PLOD3: variants seen among roughly 807,000 people sequenced by gnomAD.
PLOD3 encodes multifunctional procollagen lysine hydroxylase and glycosyltransferase LH3.
A neutral mutation model predicts 96.9 loss-of-function variants in PLOD3; 73 were observed. That is an observed-to-expected ratio of 0.75 (90% CI 0.62 to 0.92). The LOEUF (loss-of-function observed/expected upper bound fraction) is 0.92, where lower values mean the gene tolerates loss of function less well. PLOD3 is among the 40% of genes least tolerant of loss of function. The pLI is 0.00. For missense variants in PLOD3, 1,004 were observed against 1,004.3 expected, an observed-to-expected ratio of 1.00 and a Z score of 0.00; for synonymous variants, 454 against 413.7, an observed-to-expected ratio of 1.10 and a Z score of -1.18.
intron 6 of PLOD3, 119 bp downstream of exon 6, chr7:101,214,970 G>A: frequency 2.4e-6 from 2 of 819,588 alleles, no homozygotes; most frequent in Non-Finnish European, 4.4e-6. Context: ...TCAGACGCCT[G>A]ACAAAACCAC....
Position 101,206,295 on chromosome 7 carries a change from A to G in PLOD3, c.2203T>C (p.Phe735Leu), listed in dbSNP as rs781025282. The change falls in exon 19 of 19, where the codon TTT becomes CTT. Residue 735 changes from phenylalanine to leucine, a missense_variant. Phe to Leu is a conservative substitution (Grantham distance 22, BLOSUM62 0). Coordinates refer to ENST00000223127, the MANE Select transcript of PLOD3 (RefSeq NM_001084.5). ...GTGGTTGAGTGTCAGGGGTCGACAA[A>G]GGACACCATGATGTAGCGTGTGCCC... ...TWGTRYIMVSFVDP is the reference protein window; with the variant it reads ...TWGTRYIMVSLVDP 1 of 1,614,006 alleles carries G rather than the reference A, an allele frequency of 6.2e-7. No individual in the cohort carries two copies. The highest frequency in any genetic ancestry group is 1.1e-5 in the South Asian group (1 of 91,086).
chr7:101,208,759 C>T, intron 16 of PLOD3, 94 bp downstream of exon 16: 4 of 855,804 alleles, frequency 4.7e-6, no homozygotes, highest in South Asian at 4.1e-5. Context: ...GGGAACCCCT[C>T]TTTGCTCCCA....
In PLOD3 at chr7:101,211,929, G is replaced by GAA; in HGVS notation, c.1148_1149insTT (p.Glu384SerfsTer31). 2 of 1,607,672 alleles carry GAA rather than the reference G, an allele frequency of 1.2e-6. No individual in the cohort carries two copies. Among genetic ancestry groups the GAA allele is most frequent in the Non-Finnish European group, 1.7e-6 (2 of 1,177,402 alleles). On this transcript the variant is annotated frameshift_variant, in exon 11 of 19. Transcript: ENST00000223127. LOFTEE classifies it high-confidence loss of function. ...CCAGGCTGAAGTAGAACTCACACTCGGGGTCCTGCCGACACAGGTCCCTGG... is the reference window on the plus strand; with the variant it reads ...CCAGGCTGAAGTAGAACTCACACTCGAAGGGTCCTGCCGACACAGGTCCCTGG...
chr7:101,212,158 G>A (rs1185498335), intron 10 of PLOD3, 95 bp downstream of exon 10: 2 of 1,502,410 alleles, frequency 1.3e-6, no homozygotes, highest in African/African-American at 2.7e-5. Context: ...GGGGCTGGAT[G>A]GGTGACAGGT....
rs754125482 is a variant in PLOD3 at position 101,211,684 on chromosome 7, C to A, written c.1265G>T (p.Gly422Val). The A allele has an allele frequency of 2.6e-5, 42 of 1,606,650 alleles. No individual in the cohort carries two copies. The highest frequency in any genetic ancestry group is 3.6e-5 in the Non-Finnish European group (42 of 1,177,234). ...KVIAPMLSRH[G>V]KLWSNFWGAL... ...GCCCCAGAAGTTGGACCACAGCTTG[C>A]CGTGGCGGGACAGCATGGGGGCGAT... Residue 422 changes from glycine to valine, a missense_variant, in exon 12 of 19, where the codon GGC becomes GTC. Gly to Val is a moderately radical substitution (Grantham distance 109). Transcript: ENST00000223127.
chr7:101,209,966 C>T lies in PLOD3; in HGVS notation c.1683+127G>A, dbSNP rs56166131. 6.5e-6 allele frequency: 4 copies of T among 613,722 alleles called. No individual in the cohort carries two copies. In the African/African-American group the frequency reaches 7.4e-5, roughly 11 times the overall value. The allele number at this position is 613,722 out of a possible 1,614,324, so 38.0% of individuals were successfully genotyped here. ...CTTTCTGTTCGGCCTCTGCCTTCAT[C>T]TTGTCTGAACAGAAAACCCTCAGAT... On this transcript the variant is annotated intron_variant, in intron 15 of 18. Coordinates refer to ENST00000223127, the MANE Select transcript of PLOD3 (RefSeq NM_001084.5).
rs910064708 is a variant in PLOD3 at position 101,217,194 on chromosome 7, C to T, written c.81G>A (p.Arg27=). 32 of 1,496,444 alleles carry T rather than the reference C, an allele frequency of 2.1e-5. No homozygotes were observed. In the African/African-American group the frequency reaches 3.8e-4, roughly 18 times the overall value. The allele number at this position is 1,496,444 out of a possible 1,614,324, so 92.7% of individuals were successfully genotyped here. The change falls in exon 1 of 19, where the codon CGG becomes CGA. Residue 27 remains arginine (R), a synonymous_variant. Transcript: ENST00000223127. The part of the protein sequence containing the change: ...LLPPAASASD[R]PRGRDPVNPE... ...GGTTGACCGGGTCTCGGCCCCGGGG[C>T]CGGTCGGAGGCTGAGGCCGCAGGGG...
At chr7:101,214,611 G>A (rs1455922337) in intron 6 of PLOD3, among the ~76,000 whole-genome samples, 1 of 151,952 alleles carries the variant, frequency 6.6e-6, no homozygotes, top group African/African-American at 2.4e-5. Flanking sequence ...GTTGAGGCAG[G>A]CGGATCACCT....
rs752044431 is a variant in PLOD3 at position 101,211,860 on chromosome 7, G to A, written c.1218C>T (p.Leu406=). The A allele has an allele frequency of 1.9e-6, 3 of 1,612,180 alleles. No individual in the cohort carries two copies. The Admixed American group carries it at 5.0e-5, about 27-fold the overall frequency. Reference sequence around the variant, plus strand: ...GGGTAAGCCACCTGTTCTCCTCAATGAGGATACGCAGGGTCTGCAGGTTGG... The same window carrying A: ...GGGTAAGCCACCTGTTCTCCTCAATAAGGATACGCAGGGTCTGCAGGTTGG... ...VLTNLQTLRI[L]IEENRKVIAP... Residue 406 remains leucine, a synonymous_variant, in exon 11 of 19, where the codon CTC becomes CTT. Coordinates refer to ENST00000223127, the MANE Select transcript of PLOD3 (RefSeq NM_001084.5).
In PLOD3 at chr7:101,206,162, G is replaced by A. The variant is rs111377622; in HGVS notation, c.*119C>T. On this transcript the variant is annotated 3_prime_UTR_variant, in exon 19 of 19. Coordinates refer to ENST00000223127, the MANE Select transcript of PLOD3 (RefSeq NM_001084.5). ...AAGGTGACATATTCAGTTCAGGCAC[G>A]CGGAACATGAACTCAGGAAGTGGGG... The A allele has an allele frequency of 3.7e-5, 39 of 1,060,270 alleles. No homozygotes were observed. Among genetic ancestry groups the A allele is most frequent in the South Asian group, 2.9e-4 (23 of 79,520 alleles). The allele number at this position is 1,060,270 out of a possible 1,614,324, so 65.7% of individuals were successfully genotyped here.
Position 101,213,205 on chromosome 7 carries a change from C to A in PLOD3, c.680-1G>T. Reference sequence around the variant, plus strand: ...CGATCAAACTTTAAAACCACTTCATCTGGGGAAGAAAAAGGCCAGGCTTCA... The same window carrying A: ...CGATCAAACTTTAAAACCACTTCATATGGGGAAGAAAAAGGCCAGGCTTCA... On this transcript the variant is annotated splice_acceptor_variant, in intron 6 of 18. Coordinates refer to ENST00000223127, the MANE Select transcript of PLOD3 (RefSeq NM_001084.5). LOFTEE classifies it high-confidence loss of function. The A allele has an allele frequency of 1.2e-6, 2 of 1,608,376 alleles. No homozygotes were observed. The highest frequency in any genetic ancestry group is 1.7e-6 in the Non-Finnish European group (2 of 1,174,848).
rs1462115147 is a variant in PLOD3 at position 101,206,856 on chromosome 7, G to A, written c.1984C>T (p.Pro662Ser). 38 of 1,565,652 alleles carry A rather than the reference G, an allele frequency of 2.4e-5. No homozygotes were observed. Among genetic ancestry groups the A allele is most frequent in the Non-Finnish European group, 3.2e-5 (37 of 1,154,722 alleles). ...GAGTCGTGGTGTGGCCGCAGAGACG[G>A]CTGCTCGTCTGGCCGGTAGCGAACC... is the stretch of plus-strand genomic sequence containing the variant. ...FVVRYRPDEQPSLRPHHDSST... is the reference protein window; with the variant it reads ...FVVRYRPDEQSSLRPHHDSST... Residue 662 changes from proline (P) to serine (S), a missense_variant, in exon 18 of 19, where the codon CCG (proline) becomes TCG (serine). Physicochemically the swap from Pro to Ser is moderately conservative, Grantham distance 74 (BLOSUM62 -1). Around this residue, in one of 5 missense-constraint regions of PLOD3, gnomAD observed 222 missense variants for 220.4 expected, o/e 1.01. Transcript: ENST00000223127.
chr7:101,212,716 C>G (rs1798205991), intron 8 of PLOD3, 61 bp from the exon 9 acceptor site: 5 of 1,607,632 alleles, frequency 3.1e-6, no homozygotes, highest in Middle Eastern at 2.1e-4. Context: ...TGCCCCCACC[C>G]AACCTCCACC....
chr7:101,206,858 T>C lies in PLOD3; in HGVS notation c.1982A>G (p.Gln661Arg). 6.4e-7 allele frequency: 1 copy of C among 1,564,760 alleles called. No individual in the cohort carries two copies. The highest frequency in any genetic ancestry group is 8.7e-7 in the Non-Finnish European group (1 of 1,154,260). ...NFVVRYRPDE[Q>R]PSLRPHHDSS... The stretch of plus-strand genomic sequence containing the variant: ...GTCGTGGTGTGGCCGCAGAGACGGC[T>C]GCTCGTCTGGCCGGTAGCGAACCAC... The change falls in exon 18 of 19, where the codon CAG becomes CGG. Residue 661 changes from glutamine to arginine, a missense_variant. This residue lies in a region of PLOD3 where 222 missense variants were observed against 220.4 expected (regional missense o/e 1.01). Coordinates refer to ENST00000223127, the MANE Select transcript of PLOD3 (RefSeq NM_001084.5).
intron 1 of PLOD3, 85 bp downstream of exon 1, chr7:101,217,081 C>T: frequency 7.3e-7 from 1 of 1,376,982 alleles, no homozygotes; most frequent in Non-Finnish European, 9.6e-7. Context: ...GACACCTCCT[C>T]GAGCCTCCGA....
At chr7:101,215,702 A>C (rs1287681027) in intron 5 of PLOD3, among the ~76,000 whole-genome samples, 2 of 152,034 alleles carry the variant, frequency 1.3e-5, no homozygotes. Flanking sequence ...GGTCTCAACT[A>C]TGTTGTCCAG....
Position 101,210,640 on chromosome 7 carries a change from G to C in PLOD3, c.1392C>G (p.Ala464=). Residue 464 remains alanine (A), a synonymous_variant, in exon 13 of 19, where the codon GCC becomes GCG. Coordinates refer to ENST00000223127, the MANE Select transcript of PLOD3 (RefSeq NM_001084.5). ...GCAGGGTATCACCCCGGATCACATA[G>C]GCCTGGGAGATGTATGGTACATTCC... ...GVWNVPYISQ[A]YVIRGDTLRM... is the part of the protein sequence containing the mutation. The C allele has an allele frequency of 6.2e-7, 1 of 1,614,132 alleles. No individual in the cohort carries two copies. The highest frequency in any genetic ancestry group is 8.5e-7 in the Non-Finnish European group (1 of 1,180,028).
At position 101,211,613 on chromosome 7, in the gene PLOD3, C is replaced by G; in HGVS notation, c.1336G>C (p.Glu446Gln). Reference protein sequence around the residue: ...EYYARSEDYVELVQRKRVGVW... With the variant: ...EYYARSEDYVQLVQRKRVGVW... Reference sequence around the variant, plus strand: ...CACACTCGCTTCCGCTGCACCAGCTCCACGTAGTCCTCGGAGCGGGCGTAG... The same window carrying G: ...CACACTCGCTTCCGCTGCACCAGCTGCACGTAGTCCTCGGAGCGGGCGTAG... Residue 446 changes from glutamate (E) to glutamine (Q), a missense_variant, in exon 12 of 19, where the codon GAG (glutamate) becomes CAG (glutamine). By Grantham distance (29) the Glu-to-Gln change is conservative. Coordinates refer to ENST00000223127, the MANE Select transcript of PLOD3 (RefSeq NM_001084.5). 1 of 1,604,666 alleles carries G rather than the reference C, an allele frequency of 6.2e-7. No homozygotes were observed. The highest frequency in any genetic ancestry group is 8.5e-7 in the Non-Finnish European group (1 of 1,176,504).
Position 101,213,159 on chromosome 7 carries a change from T to G in PLOD3, c.725A>C (p.Asn242Thr), listed in dbSNP as rs375154042. The G allele has an allele frequency of 6.2e-7, 1 of 1,613,834 alleles. No homozygotes were observed. The highest frequency in any genetic ancestry group is 1.3e-5 in the African/African-American group (1 of 74,994). Reference protein sequence around the residue: ...KFDRNRVRIRNVAYDTLPIVV... With the variant: ...KFDRNRVRIRTVAYDTLPIVV... ...AATGGGGAGCGTGTCGTAGGCCACGTTCCGGATACGCACACGGTTCCGATC... is the reference window on the plus strand; with the variant it reads ...AATGGGGAGCGTGTCGTAGGCCACGGTCCGGATACGCACACGGTTCCGATC... Residue 242 changes from asparagine to threonine, a missense_variant, in exon 7 of 19, where the codon AAC becomes ACC. Asn to Thr is a moderately conservative substitution (Grantham distance 65, BLOSUM62 0). Coordinates refer to ENST00000223127, the MANE Select transcript of PLOD3 (RefSeq NM_001084.5).
Sources: allele counts gnomAD v4.1 joint callset (sites outside exome capture counted in the v4.1 genomes callset), GRCh38; gene constraint gnomAD v4.1.1; regional missense constraint gnomAD v4.1.1; transcripts MANE v1.5; gene names NCBI Gene and HGNC (gene_info 2026-07-23, HGNC 2026-07-21).